Variants in SLC2A14 observed in about 807,000 individuals in gnomAD.
SLC2A14 encodes solute carrier family 2 member 14.
SLC2A14 carries 13 observed loss-of-function variants against 43.0 expected under a neutral mutation model. The observed-to-expected ratio is 0.30, with a 90% CI of 0.20 to 0.48. The LOEUF (loss-of-function observed/expected upper bound fraction) is 0.48. SLC2A14 is among the 20% of genes least tolerant of loss of function. The pLI, the probability that SLC2A14 is intolerant of heterozygous loss-of-function variation, is 0.99. For missense variants in SLC2A14, 428 were observed against 620.4 expected (o/e 0.69, Z 3.29); for synonymous variants, 190 against 233.8 (o/e 0.81, Z 1.71).
chr12:7,886,243 C>T (rs1945687657), intron 1 of SLC2A14, among the ~76,000 whole-genome samples: 2 of 147,508 alleles, frequency 1.4e-5, no homozygotes, highest in Admixed American at 1.4e-4. Flanking sequence ...CTCACTGAAG[C>T]CTTGACCTTC....
At chr12:7,870,992 G>T in intron 1 of SLC2A14, 1 of 1,437,478 alleles carries the variant, frequency 7.0e-7, no homozygotes, top group Non-Finnish European at 9.4e-7. Context: ...CCAGAACCAT[G>T]ATGGCTTCAA....
At chr12:7,863,780 C>A (rs1944748848) in intron 2 of SLC2A14, among the ~76,000 whole-genome samples, 2 of 151,396 alleles carry the variant, frequency 1.3e-5, no homozygotes, top group Non-Finnish European at 1.5e-5. Flanking sequence ...CAGATGAAAA[C>A]TTATCTCCCT....
chr12:7,852,839 C>G (rs1867048277), intron 2 of SLC2A14, among the ~76,000 whole-genome samples: 1 of 152,102 alleles, frequency 6.6e-6, no homozygotes, highest in Non-Finnish European at 1.5e-5. Context: ...CCTCACCCAT[C>G]TGACACTCAA....
At chr12:7,865,563 A>G (rs1434250052) in intron 2 of SLC2A14, among the ~76,000 whole-genome samples, 1 of 151,980 alleles carries the variant, frequency 6.6e-6, no homozygotes, top group Non-Finnish European at 1.5e-5. Context: ...ATAAAAATAA[A>G]AAAAGACAAT....
chr12:7,849,199 C>T (rs1050899712), intron 2 of SLC2A14, among the ~76,000 whole-genome samples: 2 of 152,092 alleles, frequency 1.3e-5, no homozygotes, highest in African/African-American at 2.4e-5. Context: ...GGCAAGATAA[C>T]ATCTTGATAA....
chr12:7,825,497 C>A (rs1248844533), intron 7 of SLC2A14, among the ~76,000 whole-genome samples: 1 of 146,100 alleles, frequency 6.8e-6, no homozygotes, highest in African/African-American at 2.5e-5. Flanking sequence ...GGCGCGGTGG[C>A]TCATGCCTGT....
upstream of SLC2A14, among the ~76,000 whole-genome samples, chr12:7,876,280 C>CAAAAAAAAAAAAAAAAAAAAAAAAA (rs59935166): frequency 1.5e-5 from 1 of 68,208 alleles, no homozygotes; most frequent in Non-Finnish European, 2.7e-5. Context: ...AACTCCATCT[C>CAAAAAAAAAAAAAAAAAAAAAAAAA]AAAAAAAAAA....
At chr12:7,867,148 G>A (rs1231775105) in intron 2 of SLC2A14, among the ~76,000 whole-genome samples, 5 of 151,842 alleles carry the variant, frequency 3.3e-5, no homozygotes, top group Admixed American at 6.6e-5. Context: ...GCGTGGTGGC[G>A]GGGGCCTGTA....
chr12:7,874,544 C>A (rs763826255), upstream of SLC2A14, among the ~76,000 whole-genome samples: 1 of 151,392 alleles, frequency 6.6e-6, no homozygotes, highest in Admixed American at 6.6e-5. Context: ...TGGTGGCATG[C>A]GCCTGTAATC....
At chr12:7,840,721 G>A (rs1865882287) in intron 2 of SLC2A14, among the ~76,000 whole-genome samples, 1 of 152,174 alleles carries the variant, frequency 6.6e-6, no homozygotes. Flanking sequence ...AACAAACTTA[G>A]ACAGAGGGTA....
At chr12:7,864,809 C>G (rs753140479) in intron 2 of SLC2A14, among the ~76,000 whole-genome samples, 2 of 152,216 alleles carry the variant, frequency 1.3e-5, no homozygotes, top group African/African-American at 4.8e-5. Context: ...CCGACCCAGG[C>G]TCTAATCAGA....
intron 1 of SLC2A14, among the ~76,000 whole-genome samples, chr12:7,882,379 G>C (rs1945597944): frequency 6.6e-6 from 1 of 151,966 alleles, no homozygotes; most frequent in Admixed American, 6.6e-5. Flanking sequence ...ACAAACTCCA[G>C]ATGCGCCACA....
rs776533513 is a variant in SLC2A14, at chr12:7,826,807, G to C, written c.864+688C>G. Among the ~76,000 whole-genome samples the C allele has an allele frequency of 4.2e-3, 627 of 148,762 alleles. 12 individuals carry two copies. The highest frequency in any genetic ancestry group is 0.015 in the African/African-American group (599 of 39,376). On this transcript the variant is annotated intron_variant, in intron 7 of 10. Transcript: ENST00000431042. ...TCTGAAGTTGCCAGTGTACTTCCAG[G>C]CTCGCTCTTTTTTCTTTCTTTCTTT...
At chr12:7,839,936 A>C (rs1406255491) in intron 2 of SLC2A14, 16 of 224,198 alleles carry the variant, frequency 7.1e-5, no homozygotes, top group East Asian at 8.8e-4. Context: ...AAAAAAAAAA[A>C]AAAAAAAAAA....
At chr12:7,855,888 G>C (rs989616216) in intron 2 of SLC2A14, among the ~76,000 whole-genome samples, 2 of 152,026 alleles carry the variant, frequency 1.3e-5, no homozygotes, top group Non-Finnish European at 2.9e-5. Flanking sequence ...GCCCGCCTCA[G>C]CCTCCCAAAG....
At chr12:7,821,158 T>C in intron 8 of SLC2A14, 63 bp downstream of exon 8, 1 of 1,248,172 alleles carries the variant, frequency 8.0e-7, no homozygotes, top group South Asian at 1.2e-5. Context: ...ATGCAATCCA[T>C]CTTTGAACAT....
chr12:7,847,495 A>G (rs992594484), intron 2 of SLC2A14, among the ~76,000 whole-genome samples: 3 of 152,152 alleles, frequency 2.0e-5, no homozygotes, highest in African/African-American at 4.8e-5. Flanking sequence ...GTTAATTTAC[A>G]ACAGAAAGGA....
chr12:7,842,296 G>A (rs80113228), intron 2 of SLC2A14, among the ~76,000 whole-genome samples: 1 of 152,128 alleles, frequency 6.6e-6, no homozygotes, highest in East Asian at 1.9e-4. Flanking sequence ...AGGACATCTT[G>A]GTAAGTTTTA....
intron 2 of SLC2A14, chr12:7,839,922 TACAAAAAAAAAAA>T (rs869117228): frequency 8.7e-4 from 60 of 68,588 alleles, no homozygotes; most frequent in East Asian, 2.4e-3. Flanking sequence ...ACCCTGTCTC[TACAAAAAAAAAAA>T]AAAAAAAAAA....
Sources: allele counts gnomAD v4.1 joint callset (sites outside exome capture counted in the v4.1 genomes callset), GRCh38; gene constraint gnomAD v4.1.1; transcripts MANE v1.5; gene names NCBI Gene and HGNC (gene_info 2026-07-23, HGNC 2026-07-21).